The following ESPNL variants were observed in gnomAD, a reference collection of about 807,000 sequenced individuals.
ESPNL encodes espin like.
Under a neutral mutation model 46.8 loss-of-function variants are expected in ESPNL, and 49 were observed. That is an observed-to-expected ratio of 1.05 (90% CI 0.83 to 1.33). The LOEUF (loss-of-function observed/expected upper bound fraction) is 1.33, where lower values mean the gene tolerates loss of function less well. ESPNL is among the 40% of genes most tolerant of loss of function. ESPNL has a pLI of 0.00. For synonymous variants in ESPNL, 664 were observed against 662.1 expected (o/e 1.00, Z -0.04); for missense variants, 1,540 against 1,436.6 (o/e 1.07, Z -1.16).
intron 5 of ESPNL, 33 bp downstream of exon 5, chr2:238,117,067 C>A: frequency 6.3e-7 from 1 of 1,586,488 alleles, no homozygotes; most frequent in Admixed American, 1.8e-5. Context: ...GCCCTGGAGG[C>A]ATGGGGGGTG....
chr2:238,111,170 G>A lies in ESPNL; in HGVS notation c.855+3197G>A, dbSNP rs1015929079. Among the ~76,000 whole-genome samples the A allele has an allele frequency of 1.4e-4, 21 of 151,854 alleles. 1 individual carries two copies. The highest frequency in any genetic ancestry group is 2.2e-4 in the Non-Finnish European group (15 of 67,940). On this transcript the variant is annotated intron_variant, in intron 4 of 8. Transcript: ENST00000343063. ...TTGAATTCCTGACCTCAAATGATCCGCCCACCTCGGCCTCCCAAAGTGCTG... is the reference window on the plus strand; with the variant it reads ...TTGAATTCCTGACCTCAAATGATCCACCCACCTCGGCCTCCCAAAGTGCTG...
Position 238,116,963 on chromosome 2 carries a change from A to C in ESPNL, c.916A>C (p.Thr306Pro), listed in dbSNP as rs748303309. The change falls in exon 5 of 9, where the codon ACG (threonine) becomes CCG (proline). Residue 306 changes from threonine (T) to proline (P), a missense_variant. Transcript: ENST00000343063. Reference sequence around the variant, plus strand: ...CTCCCTGCGGGATGAAGATGGTTACACGGCGGCAGACCTGGCGGAGTACCA... The same window carrying C: ...CTCCCTGCGGGATGAAGATGGTTACCCGGCGGCAGACCTGGCGGAGTACCA... ...DPSLRDEDGY[T>P]AADLAEYHGH... 3 of 1,612,538 alleles carry C rather than the reference A, an allele frequency of 1.9e-6. No homozygotes were observed. The highest frequency in any genetic ancestry group is 2.2e-5 in the East Asian group (1 of 44,870).
chr2:238,130,500 A>G lies in ESPNL; in HGVS notation c.1786A>G (p.Ile596Val), dbSNP rs756798950. ...GCCCCTGCCCTTCTGGTGCAGCCAC[A>G]TCTCCCGCCTGGTACGCAGCCTGTC... ...VQPLPFWCSHISRLVRSLSLL... is the reference protein window; with the variant it reads ...VQPLPFWCSHVSRLVRSLSLL... The change falls in exon 9 of 9, where the codon ATC becomes GTC. Residue 596 changes from isoleucine (I) to valine (V), a missense_variant. Coordinates refer to ENST00000343063, the MANE Select transcript of ESPNL (RefSeq NM_194312.4). 3.1e-6 allele frequency: 5 copies of G among 1,598,342 alleles called. No homozygotes were observed. In the South Asian group the frequency reaches 4.5e-5, roughly 14 times the overall value.
chr2:238,119,396 T>TGAACGGAGGAGGGTGGATGGA (rs1691925835), intron 5 of ESPNL, among the ~76,000 whole-genome samples: 1 of 65,614 alleles, frequency 1.5e-5, no homozygotes, highest in African/African-American at 7.6e-5. Flanking sequence ...ATGCAGGAGG[T>TGAACGGAGGAGGGTGGATGGA]GGATGGAGGA....
chr2:238,123,157 A>G (rs372736749), intron 5 of ESPNL, among the ~76,000 whole-genome samples: 31 of 152,192 alleles, frequency 2.0e-4, no homozygotes, highest in African/African-American at 6.0e-4. Flanking sequence ...GTTGCTCAGC[A>G]GACAGCAAGT....
chr2:238,107,142 C>T (rs2106465815), intron 3 of ESPNL, among the ~76,000 whole-genome samples: 1 of 152,360 alleles, frequency 6.6e-6, no homozygotes, highest in Middle Eastern at 3.4e-3. Flanking sequence ...CAGGCCCAGG[C>T]CCCATGTCTG....
At chr2:238,127,878 C>T in intron 7 of ESPNL, 144 bp downstream of exon 7, 1 of 629,408 alleles carries the variant, frequency 1.6e-6, no homozygotes, top group Non-Finnish European at 2.8e-6. Flanking sequence ...CACTCCGCTG[C>T]TCTCGAGAAC....
At chr2:238,125,219 C>G in intron 5 of ESPNL, 51 bp from the exon 6 acceptor site, 1 of 842,554 alleles carries the variant, frequency 1.2e-6, no homozygotes, top group Non-Finnish European at 1.8e-6. Flanking sequence ...TCTAGGTGAG[C>G]AGGGAAGAGC....
intron 4 of ESPNL, 49 bp downstream of exon 4, chr2:238,108,022 A>G: frequency 1.3e-6 from 2 of 1,546,596 alleles, no homozygotes. Flanking sequence ...AGTGCCAGCC[A>G]TGCCCAGTGC....
chr2:238,125,412 C>G lies in ESPNL; in HGVS notation c.1102+28C>G. Reference sequence around the variant, plus strand: ...GAGTGCACAGCCCCAAGTGGGCCACCCAGGGCATGGGCCTGGGAGAGGGTG... The same window carrying G: ...GAGTGCACAGCCCCAAGTGGGCCACGCAGGGCATGGGCCTGGGAGAGGGTG... On this transcript the variant is annotated intron_variant, in intron 6 of 8. Transcript: ENST00000343063. The G allele has an allele frequency of 2.2e-6, 3 of 1,365,160 alleles. No homozygotes were observed. In the South Asian group the frequency reaches 4.4e-5, roughly 20 times the overall value. The allele number at this position is 1,365,160 out of a possible 1,614,324, so 84.6% of individuals were successfully genotyped here.
In ESPNL at chr2:238,127,619, C is replaced by T. The variant is rs764598149; in HGVS notation, c.1103-3C>T. 13 of 1,601,196 alleles carry T rather than the reference C, an allele frequency of 8.1e-6. No homozygotes were observed. The South Asian group carries it at 1.1e-4, about 14-fold the overall frequency. On this transcript the variant is annotated splice_polypyrimidine_tract_variant and splice_region_variant and intron_variant, in intron 6 of 8. Coordinates refer to ENST00000343063, the MANE Select transcript of ESPNL (RefSeq NM_194312.4). ...TCTGCAACACCCTTCTTCTTCTTGG[C>T]AGCCATGTCCCTCAGCCCGGCCTGG... is the stretch of plus-strand genomic sequence containing the variant.
At chr2:238,124,792 CGT>C (rs1692067799) in intron 5 of ESPNL, among the ~76,000 whole-genome samples, 1 of 124,084 alleles carries the variant, frequency 8.1e-6, no homozygotes, top group African/African-American at 3.2e-5. Context: ...AGAGTACGTG[CGT>C]GTGTGTGCAG....
rs1574750283 is a variant in ESPNL at position 238,131,651 on chromosome 2, T to C, written c.2937T>C (p.Gly979=). The part of the protein sequence containing the change: ...GSRSQQGSFN[G]EDICGYINRS... ...GCTCCCAGCAGGGCAGCTTCAACGG[T>C]GAGGACATCTGCGGCTACATCAACC... is the stretch of plus-strand genomic sequence containing the variant. The change falls in exon 9 of 9, where the codon GGT becomes GGC. Residue 979 remains glycine, a synonymous_variant. Coordinates refer to ENST00000343063, the MANE Select transcript of ESPNL (RefSeq NM_194312.4). 3 of 1,607,814 alleles carry C rather than the reference T, an allele frequency of 1.9e-6. No individual in the cohort carries two copies. Among genetic ancestry groups the C allele is most frequent in the East Asian group, 2.2e-5 (1 of 44,670 alleles).
At chr2:238,105,235 C>T (rs1176169460) in intron 3 of ESPNL, among the ~76,000 whole-genome samples, 5 of 152,216 alleles carry the variant, frequency 3.3e-5, no homozygotes, top group East Asian at 1.9e-4. Flanking sequence ...CTGAGATCCC[C>T]AGGCCAGCCC....
intron 5 of ESPNL, 64 bp downstream of exon 5, chr2:238,117,098 C>T (rs1454732649): frequency 1.3e-6 from 2 of 1,534,168 alleles, no homozygotes; most frequent in Non-Finnish European, 1.8e-6. Context: ...CCAGCCAGGA[C>T]CCCACTGCTG....
intron 4 of ESPNL, 94 bp from the exon 5 acceptor site, chr2:238,116,809 C>T (rs1031128236): frequency 1.2e-5 from 17 of 1,471,420 alleles, no homozygotes; most frequent in East Asian, 4.7e-5. Context: ...GGGCAGCCTG[C>T]GCCATGGGGC....
chr2:238,128,070 A>G (rs1454938127), intron 7 of ESPNL, among the ~76,000 whole-genome samples: 1 of 152,122 alleles, frequency 6.6e-6, no homozygotes, highest in African/African-American at 2.4e-5. Context: ...GCAGCCATCC[A>G]TGGGCAGGGC....
chr2:238,107,398 G>A (rs1022205462), intron 3 of ESPNL, among the ~76,000 whole-genome samples: 2 of 152,202 alleles, frequency 1.3e-5, no homozygotes, highest in African/African-American at 2.4e-5. Context: ...AATGCCCAAC[G>A]AGGCAGCGCC....
intron 2 of ESPNL, among the ~76,000 whole-genome samples, chr2:238,102,682 G>C (rs1163699060): frequency 6.6e-6 from 1 of 152,278 alleles, no homozygotes; most frequent in Non-Finnish European, 1.5e-5. Context: ...GGAAGGACCA[G>C]GGTCAGGACA....
Sources: allele counts gnomAD v4.1 joint callset (sites outside exome capture counted in the v4.1 genomes callset), GRCh38; gene constraint gnomAD v4.1.1; transcripts MANE v1.5; gene names NCBI Gene and HGNC (gene_info 2026-07-23, HGNC 2026-07-21).